Variants in SNRPD3 observed in about 807,000 individuals in gnomAD.
SNRPD3 encodes small nuclear ribonucleoprotein Sm D3.
For missense variants in SNRPD3, 73 were observed against 167.5 expected, an observed-to-expected ratio of 0.44 and a Z score of 3.11; for synonymous variants, 66 against 58.4, an observed-to-expected ratio of 1.13 and a Z score of -0.59.
chr22:24,567,871 G>A, intron 2 of SNRPD3, 113 bp from the exon 3 acceptor site: 1 of 759,722 alleles, frequency 1.3e-6, no homozygotes, highest in Non-Finnish European at 2.2e-6. Flanking sequence ...TAATTCACCA[G>A]CTTTGTCACA....
At position 24,574,680 on chromosome 22, in the gene SNRPD3, T is replaced by TA. The variant is rs2045275418; in HGVS notation, c.*2704dup. On this transcript the variant is annotated 3_prime_UTR_variant, in exon 4 of 4. Coordinates refer to ENST00000215829, the MANE Select transcript of SNRPD3 (RefSeq NM_004175.5). ...CCTCAGCCTCCTGAGTAGCTAGAAA[T>TA]ACTGGTGCACACCACCATGCCTAGC... 6.6e-6 allele frequency among the ~76,000 whole-genome samples: 1 copy of TA among 152,182 alleles called. No individual in the cohort carries two copies. Among genetic ancestry groups the TA allele is most frequent in the Non-Finnish European group, 1.5e-5 (1 of 68,038 alleles).
intron 2 of SNRPD3, among the ~76,000 whole-genome samples, chr22:24,559,512 G>A (rs1286779811): frequency 1.3e-5 from 2 of 152,128 alleles, no homozygotes; most frequent in Non-Finnish European, 1.5e-5. Context: ...CATCCCATCC[G>A]TAACGTGAAG....
chr22:24,561,527 C>G (rs1177460934), intron 2 of SNRPD3, among the ~76,000 whole-genome samples: 1 of 152,118 alleles, frequency 6.6e-6, no homozygotes, highest in African/African-American at 2.4e-5. Flanking sequence ...TGAATAAGAG[C>G]CAGCAGACTG....
At chr22:24,558,918 ACTC>A (rs1176083714) in intron 2 of SNRPD3, among the ~76,000 whole-genome samples, 1 of 151,938 alleles carries the variant, frequency 6.6e-6, no homozygotes, top group African/African-American at 2.4e-5. Flanking sequence ...GGCTGCCTGC[ACTC>A]CTCATAGCCT....
intron 3 of SNRPD3, among the ~76,000 whole-genome samples, chr22:24,569,385 G>C (rs1230562435): frequency 6.6e-6 from 1 of 152,144 alleles, no homozygotes; most frequent in African/African-American, 2.4e-5. Flanking sequence ...TGGTAAAAAA[G>C]GTTTGCAGCC....
At chr22:24,569,721 A>G (rs1204217762) in intron 3 of SNRPD3, among the ~76,000 whole-genome samples, 1 of 151,976 alleles carries the variant, frequency 6.6e-6, no homozygotes, top group Non-Finnish European at 1.5e-5. Context: ...CTCACGTCTC[A>G]CTCCTTGGGT....
intron 2 of SNRPD3, among the ~76,000 whole-genome samples, chr22:24,559,296 A>G (rs991982737): frequency 6.6e-6 from 1 of 152,178 alleles, no homozygotes; most frequent in African/African-American, 2.4e-5. Context: ...TTATTGCATT[A>G]CTGTCAATAG....
At position 24,560,715 on chromosome 22, in the gene SNRPD3, C is replaced by CCTTTTTTTTTTTTTTTTT. The variant is rs1569024539; in HGVS notation, c.126+2915_126+2916insCTTTTTTTTTTTTTTTTT. On this transcript the variant is annotated intron_variant, in intron 2 of 3. Coordinates refer to ENST00000215829, the MANE Select transcript of SNRPD3 (RefSeq NM_004175.5). The stretch of plus-strand genomic sequence containing the variant: ...ACAGGCGTGAGCCACTGCACCTGGC[C>CCTTTTTTTTTTTTTTTTT]TTTTTTTTTTTTTTTTTTTTTTTTT... Among the ~76,000 whole-genome samples, 5 of 98,864 alleles carry CCTTTTTTTTTTTTTTTTT rather than the reference C, an allele frequency of 5.1e-5. 2 individuals are homozygous for CCTTTTTTTTTTTTTTTTT. Among genetic ancestry groups the CCTTTTTTTTTTTTTTTTT allele is most frequent in the Non-Finnish European group, 3.7e-5 (2 of 53,526 alleles). 64.9% of individuals were successfully genotyped at this position (98,864 alleles called of 152,430 possible). A position where few individuals can be genotyped will look rare whatever the true frequency, so the allele number is the denominator to read the frequency against.
chr22:24,574,339 T>C lies in SNRPD3; in HGVS notation c.*2362T>C, dbSNP rs2045272011. Among the ~76,000 whole-genome samples the C allele has an allele frequency of 2.0e-5, 3 of 152,174 alleles. No homozygotes were observed. Among genetic ancestry groups the C allele is most frequent in the Non-Finnish European group, 2.9e-5 (2 of 68,034 alleles). ...ATGTAGCTTTGTAAACAGTTTTATA[T>C]CCTGCATCTTAGGGGGGAAAATCAG... is the stretch of plus-strand genomic sequence containing the variant. On this transcript the variant is annotated 3_prime_UTR_variant, in exon 4 of 4. Transcript: ENST00000215829.
chr22:24,573,783 AGG>A lies in SNRPD3; in HGVS notation c.*1807_*1808del, dbSNP rs1168056483. ...GCAGTCCCAGCTATCCTGGAGGTTG[AGG>A]CAGGACGACCACATGAGCCCAGGAG... On this transcript the variant is annotated 3_prime_UTR_variant, in exon 4 of 4. Coordinates refer to ENST00000215829, the MANE Select transcript of SNRPD3 (RefSeq NM_004175.5). 6.6e-6 allele frequency among the ~76,000 whole-genome samples: 1 copy of A among 152,222 alleles called. No homozygotes were observed. The highest frequency in any genetic ancestry group is 6.5e-5 in the Admixed American group (1 of 15,278).
At position 24,564,883 on chromosome 22, in the gene SNRPD3, C is replaced by CTTTTTTTTTTTTTT. The variant is rs371010665; in HGVS notation, c.127-3101_127-3100insTTTTTTTTTTTTTT. Among the ~76,000 whole-genome samples the CTTTTTTTTTTTTTT allele has an allele frequency of 3.1e-5, 4 of 127,166 alleles. 2 individuals carry two copies. Among genetic ancestry groups the CTTTTTTTTTTTTTT allele is most frequent in the African/African-American group, 5.6e-5 (2 of 35,692 alleles). The allele number at this position is 127,166 out of a possible 152,430, so 83.4% of individuals were successfully genotyped here. A position where few individuals can be genotyped will look rare whatever the true frequency, so the allele number is the denominator to read the frequency against. ...GCATTTAGACATACTTTGCCTTGTT[C>CTTTTTTTTTTTTTT]ATTTTTTTTTTTTTTTTTTTGACAG... is the stretch of plus-strand genomic sequence containing the variant. On this transcript the variant is annotated intron_variant, in intron 2 of 3. Coordinates refer to ENST00000215829, the MANE Select transcript of SNRPD3 (RefSeq NM_004175.5).
chr22:24,571,612 C>T (rs113160412), intron 3 of SNRPD3, among the ~76,000 whole-genome samples: 28 of 152,132 alleles, frequency 1.8e-4, no homozygotes, highest in Non-Finnish European at 2.8e-4. Flanking sequence ...TTGTGGTTCA[C>T]GGCTGTAGTC....
rs1426018893 is a variant in SNRPD3 at position 24,573,642 on chromosome 22, A to G, written c.*1665A>G. Among the ~76,000 whole-genome samples the G allele has an allele frequency of 6.6e-6, 1 of 152,238 alleles. No homozygotes were observed. Among genetic ancestry groups the G allele is most frequent in the African/African-American group, 2.4e-5 (1 of 41,472 alleles). ...ATAATGCCAGCACTTTGGGAGGTCG[A>G]GGCGGGAGGATCACTTGAACCTAGG... On this transcript the variant is annotated 3_prime_UTR_variant, in exon 4 of 4. Transcript: ENST00000215829.
chr22:24,563,548 A>G lies in SNRPD3; in HGVS notation c.127-4436A>G, dbSNP rs5760475. On this transcript the variant is annotated intron_variant, in intron 2 of 3. Transcript: ENST00000215829. ...AAAATGCTGTTGGCATAAGTGAGAA[A>G]AATAACAATACTCCAAAATATGTCC... Among the ~76,000 whole-genome samples, 3,234 of 152,256 alleles carry G rather than the reference A, an allele frequency of 0.021. 180 individuals carry two copies. In the East Asian group the frequency reaches 0.22, roughly 10 times the overall value.
At chr22:24,556,412 T>C (rs1261236888) in intron 1 of SNRPD3, among the ~76,000 whole-genome samples, 2 of 151,132 alleles carry the variant, frequency 1.3e-5, no homozygotes, top group East Asian at 3.9e-4. Flanking sequence ...GGTTTCACCA[T>C]GTTGCCCTGG....
intron 1 of SNRPD3, among the ~76,000 whole-genome samples, chr22:24,556,376 GTT>G (rs11322582): frequency 1.5e-4 from 19 of 130,310 alleles, no homozygotes; most frequent in South Asian, 5.0e-4. Context: ...GTTTTTTTTT[GTT>G]TTTTTTTTTT....
chr22:24,567,447 G>A (rs2147127987), intron 2 of SNRPD3, among the ~76,000 whole-genome samples: 1 of 152,228 alleles, frequency 6.6e-6, no homozygotes, highest in African/African-American at 2.4e-5. Context: ...TTTTTAACAT[G>A]TAAAGATGGG....
At chr22:24,556,368 TTTTTTTTG>T (rs1459229558) in intron 1 of SNRPD3, among the ~76,000 whole-genome samples, 2 of 40,346 alleles carry the variant, frequency 5.0e-5, no homozygotes, top group Non-Finnish European at 9.6e-5. Context: ...TCCTATGAGT[TTTTTTTTG>T]TTTTTTTTTT....
intron 2 of SNRPD3, among the ~76,000 whole-genome samples, chr22:24,564,513 C>T (rs561233107): frequency 4.6e-5 from 7 of 152,334 alleles, no homozygotes; most frequent in African/African-American, 1.7e-4. Flanking sequence ...CAAGCTCTAG[C>T]AGGCATGTGT....
Sources: gnomAD v4.1 joint callset for allele counts (sites outside exome capture counted in the v4.1 genomes callset) on GRCh38, gnomAD v4.1.1 for gene constraint, MANE v1.5 for transcripts, NCBI Gene and HGNC (gene_info 2026-07-23, HGNC 2026-07-21) for gene names.